Variants in LYZL4 observed in about 807,000 individuals in gnomAD.
LYZL4 encodes the protein lysozyme like 4.
LYZL4 carries 13 observed loss-of-function variants against 17.6 expected under a neutral mutation model. The ratio of observed to expected loss-of-function variants is 0.74; its 90% CI spans 0.48 to 1.18. The LOEUF (loss-of-function observed/expected upper bound fraction) is 1.18, where lower values mean the gene tolerates loss of function less well. Ranked by LOEUF, LYZL4 falls within the 50% of genes most tolerant of loss-of-function variation. The pLI is 0.00. For synonymous variants in LYZL4, 64 were observed against 67.7 expected, an observed-to-expected ratio of 0.95 and a Z score of 0.27; for missense variants, 174 against 188.2, an observed-to-expected ratio of 0.92 and a Z score of 0.44.
intron 4 of LYZL4, 106 bp from the exon 5 acceptor site, chr3:42,397,440 CT>C: frequency 1.3e-6 from 1 of 746,192 alleles, no homozygotes; most frequent in Non-Finnish European, 2.3e-6. Context: ...CCCTTGGAGC[CT>C]TTGAGTTTTC....
At chr3:42,364,730 T>G in the LYZL4 span, among the ~76,000 whole-genome samples, 1 of 152,092 alleles carries the variant, frequency 6.6e-6, no homozygotes, top group South Asian at 2.1e-4. Flanking sequence ...CACCTTGACC[T>G]CCCAAAATGC....
chr3:42,380,499 T>C, the LYZL4 span, among the ~76,000 whole-genome samples: 1 of 152,234 alleles, frequency 6.6e-6, no homozygotes, highest in Non-Finnish European at 1.5e-5. Context: ...ACTTCCCTTG[T>C]CAATGTGAAC....
chr3:42,364,365 G>A, the LYZL4 span, among the ~76,000 whole-genome samples: 11 of 130,966 alleles, frequency 8.4e-5, no homozygotes, highest in East Asian at 4.7e-4. Context: ...TTTTTCAGGC[G>A]GAGTCTTGCT....
chr3:42,391,461 C>T, the LYZL4 span, among the ~76,000 whole-genome samples: 1 of 152,046 alleles, frequency 6.6e-6, no homozygotes. Flanking sequence ...ATATAGGTGG[C>T]CCAAAAGACA....
the LYZL4 span, among the ~76,000 whole-genome samples, chr3:42,362,829 A>C: frequency 6.6e-6 from 1 of 152,348 alleles, no homozygotes; most frequent in African/African-American, 2.4e-5. Flanking sequence ...TAGATTACAA[A>C]GGGGAAATGT....
the LYZL4 span, among the ~76,000 whole-genome samples, chr3:42,371,030 T>C: frequency 6.6e-5 from 10 of 152,188 alleles, no homozygotes; most frequent in Non-Finnish European, 1.2e-4. Flanking sequence ...TTGCACACAT[T>C]TGGTCTGGTG....
At chr3:42,397,004 A>G (rs564925258), downstream of LYZL4, 17 of 315,170 alleles carry the variant, frequency 5.4e-5, no homozygotes, top group Non-Finnish European at 9.5e-5. Flanking sequence ...ATGAGATTAA[A>G]TAATAATAAA....
At chr3:42,376,286 G>A in the LYZL4 span, among the ~76,000 whole-genome samples, 4 of 152,166 alleles carry the variant, frequency 2.6e-5, no homozygotes, top group Non-Finnish European at 5.9e-5. Context: ...GCCTGAAGGT[G>A]GGGAAGTAGA....
Position 42,407,171 on chromosome 3 carries a change from C to T in LYZL4, c.81G>A (p.Val27=), listed in dbSNP as rs371416982. ...GGCCTCCATCGTGGAGTTTCTTAGC[C>T]ACTGTGCAACGCCCCAAGATGTAAG... The part of the protein sequence containing the change: ...SGAYILGRCT[V]AKKLHDGGLD... The change falls in exon 2 of 5, where the codon GTG becomes GTA. Residue 27 remains valine, a synonymous_variant. Transcript: ENST00000287748. The T allele has an allele frequency of 3.1e-5, 50 of 1,614,042 alleles. No homozygotes were observed. Among genetic ancestry groups the T allele is most frequent in the African/African-American group, 4.0e-5 (3 of 74,896 alleles).
the LYZL4 span, among the ~76,000 whole-genome samples, chr3:42,367,393 C>G: frequency 2.6e-5 from 4 of 152,162 alleles, no homozygotes; most frequent in Non-Finnish European, 5.9e-5. Context: ...CATATAGCTC[C>G]CCATCAAGGA....
At chr3:42,383,379 C>T in the LYZL4 span, among the ~76,000 whole-genome samples, 3 of 148,734 alleles carry the variant, frequency 2.0e-5, no homozygotes, top group East Asian at 2.0e-4. Context: ...ACTGTCCAGC[C>T]GGATGGCTCC....
At chr3:42,362,868 A>G in the LYZL4 span, among the ~76,000 whole-genome samples, 4 of 152,226 alleles carry the variant, frequency 2.6e-5, no homozygotes, top group Non-Finnish European at 5.9e-5. Context: ...TCTGGTAGTC[A>G]CTAACTCAAC....
At chr3:42,403,362 C>T (rs907964931) in intron 4 of LYZL4, among the ~76,000 whole-genome samples, 10 of 151,782 alleles carry the variant, frequency 6.6e-5, no homozygotes, top group African/African-American at 2.2e-4. Context: ...TGTGTTCAAG[C>T]GATTCTCCTG....
At position 42,397,189 on chromosome 3, in the gene LYZL4, G is replaced by T; in HGVS notation, c.*76C>A. The T allele has an allele frequency of 2.0e-6, 2 of 1,006,650 alleles. No homozygotes were observed. Among genetic ancestry groups the T allele is most frequent in the South Asian group, 3.0e-5 (2 of 67,268 alleles). 62.4% of individuals were successfully genotyped at this position (1,006,650 alleles called of 1,614,324 possible). ...AAGTGGTGAGATCATCAAAAGGATT[G>T]ACTGAAGCAGCAAGCAGAAAAGCAC... is the stretch of plus-strand genomic sequence containing the variant. On this transcript the variant is annotated 3_prime_UTR_variant, in exon 5 of 5. Transcript: ENST00000287748.
At chr3:42,398,595 A>T (rs1393188014) in intron 4 of LYZL4, among the ~76,000 whole-genome samples, 2 of 152,250 alleles carry the variant, frequency 1.3e-5, no homozygotes, top group African/African-American at 2.4e-5. Context: ...CATTTAAAAA[A>T]TATAAACCTG....
downstream of LYZL4, among the ~76,000 whole-genome samples, chr3:42,395,470 T>C (rs1042332233): frequency 4.6e-5 from 7 of 152,310 alleles, no homozygotes; most frequent in Non-Finnish European, 8.8e-5. Context: ...GTATGTTTAG[T>C]AGTAGTCCAT....
chr3:42,388,495 T>G, the LYZL4 span, among the ~76,000 whole-genome samples: 343 of 152,292 alleles, frequency 2.3e-3, 1 homozygote, highest in East Asian at 0.015. Context: ...TGTTTTTCAA[T>G]TATTCACAGG....
chr3:42,407,124 C>A lies in LYZL4; in HGVS notation c.128G>T (p.Ser43Ile), dbSNP rs759674622. 1 of 1,614,066 alleles carries A rather than the reference C, an allele frequency of 6.2e-7. No homozygotes were observed. Among genetic ancestry groups the A allele is most frequent in the East Asian group, 2.2e-5 (1 of 44,890 alleles). Residue 43 changes from serine (S) to isoleucine (I), a missense_variant, in exon 2 of 5, where the codon AGC becomes ATC. Transcript: ENST00000287748. ...DGGLDYFEGY[S>I]LENWVCLAYF... is the part of the protein sequence containing the mutation. ...TGGGGCCTACTCACAGTTCTCAAGG[C>A]TATAGCCCTCAAAATAATCCAGGCC...
At chr3:42,375,650 G>A in the LYZL4 span, among the ~76,000 whole-genome samples, 1 of 152,170 alleles carries the variant, frequency 6.6e-6, no homozygotes, top group Admixed American at 6.5e-5. Flanking sequence ...GCAGGCTGGG[G>A]GCTGAGGAGG....
Sources: gnomAD v4.1 joint callset for allele counts (sites outside exome capture counted in the v4.1 genomes callset) on GRCh38, gnomAD v4.1.1 for gene constraint, MANE v1.5 for transcripts, NCBI Gene and HGNC (gene_info 2026-07-23, HGNC 2026-07-21) for gene names.